The following ROR1 variants were observed in gnomAD, a reference collection of about 807,000 sequenced individuals.
ROR1 encodes inactive tyrosine-protein kinase transmembrane receptor ROR1.
In ROR1, 19 loss-of-function variants were observed where a neutral mutation model predicts 78.8. The observed-to-expected ratio is 0.24, with a 90% CI of 0.17 to 0.35. ROR1 has a LOEUF of 0.35. Among genes scored for constraint, ROR1 ranks in the 10% least tolerant of loss-of-function variants. ROR1 has a pLI of 1.00. For synonymous variants in ROR1, 386 were observed against 433.6 expected, an observed-to-expected ratio of 0.89 and a Z score of 1.36; for missense variants, 917 against 1,177.8, an observed-to-expected ratio of 0.78 and a Z score of 3.24.
intron 1 of ROR1, among the ~76,000 whole-genome samples, chr1:63,969,261 A>G (rs1433654837): frequency 1.3e-5 from 2 of 152,210 alleles, no homozygotes; most frequent in East Asian, 3.8e-4. Flanking sequence ...AGATGCAGAC[A>G]AGATATTTCA....
At chr1:63,801,276 CT>C (rs1184610552) in intron 1 of ROR1, among the ~76,000 whole-genome samples, 1 of 151,986 alleles carries the variant, frequency 6.6e-6, no homozygotes, top group Non-Finnish European at 1.5e-5. Flanking sequence ...TATTATGTGG[CT>C]GTATTTATGG....
intron 1 of ROR1, among the ~76,000 whole-genome samples, chr1:63,818,382 A>G (rs10493352): frequency 0.078 from 11,874 of 152,292 alleles, 1,562 homozygotes; most frequent in African/African-American, 0.27. Flanking sequence ...CAAATATTGT[A>G]TCATGAAAAA....
At chr1:63,788,445 A>G (rs1174404820) in intron 1 of ROR1, among the ~76,000 whole-genome samples, 1 of 152,094 alleles carries the variant, frequency 6.6e-6, no homozygotes, top group African/African-American at 2.4e-5. Flanking sequence ...AACCAGTGCA[A>G]ATCACTAAAA....
intron 1 of ROR1, among the ~76,000 whole-genome samples, chr1:63,900,851 G>T (rs1645479736): frequency 6.6e-6 from 1 of 152,092 alleles, no homozygotes; most frequent in Admixed American, 6.5e-5. Context: ...TGTTATGGTT[G>T]CATTCTTCAT....
chr1:64,180,852 TAA>T lies in ROR1; in HGVS notation c.*2000_*2001del, dbSNP rs1650529015. 1 of 152,166 alleles carries T rather than the reference TAA, an allele frequency of 6.6e-6. No individual in the cohort carries two copies. Among genetic ancestry groups the T allele is most frequent in the East Asian group, 1.9e-4 (1 of 5,202 alleles). 9.4% of individuals were successfully genotyped at this position (152,166 alleles called of 1,614,324 possible). On this transcript the variant is annotated 3_prime_UTR_variant, in exon 9 of 9. Coordinates refer to ENST00000371079, the MANE Select transcript of ROR1 (RefSeq NM_005012.4). ...TGAGCCAGTAAAATACCTACTCTGGTAAAACATTATTATGGTTAAAAAGTAAA... is the reference window on the plus strand; with the variant it reads ...TGAGCCAGTAAAATACCTACTCTGGTAACATTATTATGGTTAAAAAGTAAA...
chr1:64,030,507 A>G (rs1333444746), intron 2 of ROR1, among the ~76,000 whole-genome samples: 1 of 152,212 alleles, frequency 6.6e-6, no homozygotes, highest in Non-Finnish European at 1.5e-5. Context: ...CCACATTTCC[A>G]AAAAGTGTAA....
At chr1:63,958,843 A>G (rs1184470058) in intron 1 of ROR1, among the ~76,000 whole-genome samples, 2 of 152,226 alleles carry the variant, frequency 1.3e-5, no homozygotes, top group South Asian at 2.1e-4. Flanking sequence ...CTGCCTTTTT[A>G]GGAGCTTTCA....
chr1:63,821,652 A>C (rs936781160), intron 1 of ROR1, among the ~76,000 whole-genome samples: 1 of 152,172 alleles, frequency 6.6e-6, no homozygotes, highest in Non-Finnish European at 1.5e-5. Context: ...ACATAAGCTG[A>C]ATACCAGGTC....
At position 64,178,844 on chromosome 1, in the gene ROR1, G is replaced by C. The variant is rs906310411; in HGVS notation, c.2803G>C (p.Ala935Pro). ...TGGACACACCGAATCTATGATTTCTGCAGAACTGTAAAATGCACAACTTTT... is the reference window on the plus strand; with the variant it reads ...TGGACACACCGAATCTATGATTTCTCCAGAACTGTAAAATGCACAACTTTT... ...IHGHTESMIS[A>P]EL Residue 935 changes from alanine (A) to proline (P), a missense_variant, in exon 9 of 9, where the codon GCA (alanine) becomes CCA (proline). By Grantham distance (27) the Ala-to-Pro change is conservative. Around this residue, in one of 3 missense-constraint regions of ROR1, gnomAD observed 835 missense variants for 1,069.8 expected, o/e 0.78. Coordinates refer to ENST00000371079, the MANE Select transcript of ROR1 (RefSeq NM_005012.4). The surrounding 1 kb of genome is among the most constrained non-coding windows in gnomAD (Gnocchi z 4.3). 6.2e-7 allele frequency: 1 copy of C among 1,612,080 alleles called. No individual in the cohort carries two copies. The highest frequency in any genetic ancestry group is 1.3e-5 in the African/African-American group (1 of 74,866).
At chr1:63,833,990 C>CTTTTTTT (rs71056008) in intron 1 of ROR1, among the ~76,000 whole-genome samples, 14 of 132,000 alleles carry the variant, frequency 1.1e-4, no homozygotes, top group East Asian at 2.2e-4. Flanking sequence ...TCTTCTTCTT[C>CTTTTTTT]TTTTTTTTTT....
At chr1:63,871,647 G>C (rs907754498) in intron 1 of ROR1, among the ~76,000 whole-genome samples, 1 of 152,208 alleles carries the variant, frequency 6.6e-6, no homozygotes, top group Non-Finnish European at 1.5e-5. Flanking sequence ...GGCTCCAGGA[G>C]ACATTTGCCT....
intron 1 of ROR1, among the ~76,000 whole-genome samples, chr1:63,962,041 G>A (rs911462385): frequency 7.9e-5 from 12 of 152,202 alleles, no homozygotes; most frequent in South Asian, 4.2e-4. Context: ...AGGAGGATCC[G>A]TTGAGCCCAG....
At chr1:64,022,768 A>G (rs957438570) in intron 2 of ROR1, among the ~76,000 whole-genome samples, 7 of 152,240 alleles carry the variant, frequency 4.6e-5, no homozygotes, top group Non-Finnish European at 8.8e-5. Flanking sequence ...ATCAAGAAAC[A>G]GTAGGTGATC....
chr1:64,102,557 A>G (rs1325460271), intron 4 of ROR1, among the ~76,000 whole-genome samples: 1 of 152,148 alleles, frequency 6.6e-6, no homozygotes, highest in Non-Finnish European at 1.5e-5. Context: ...CCTGTCTTTT[A>G]TAAATGTCCA....
rs1557496198 is a variant in ROR1, at chr1:63,787,468, T to TTCCTG, written c.91+12960_91+12961insTCCTG. On this transcript the variant is annotated intron_variant, in intron 1 of 8. Transcript: ENST00000371079. ...TTCCTTCCTTCCTTCCTTCCTTCCTTCCTTCCTTCCTTCCTGCCTTCCTGC... is the reference window on the plus strand; with the variant it reads ...TTCCTTCCTTCCTTCCTTCCTTCCTTTCCTGCCTTCCTTCCTTCCTGCCTTCCTGC... Among the ~76,000 whole-genome samples, 40 of 115,314 alleles carry TTCCTG rather than the reference T, an allele frequency of 3.5e-4. 2 individuals carry two copies. Among genetic ancestry groups the TTCCTG allele is most frequent in the Admixed American group, 2.0e-3 (25 of 12,402 alleles). The allele number at this position is 115,314 out of a possible 152,430, so 75.7% of individuals were successfully genotyped here.
chr1:63,778,217 G>T (rs551055409), intron 1 of ROR1, among the ~76,000 whole-genome samples: 1 of 152,192 alleles, frequency 6.6e-6, no homozygotes, highest in Admixed American at 6.5e-5. Flanking sequence ...AGGTGAGTGC[G>T]TGAAATTAAT....
intron 1 of ROR1, among the ~76,000 whole-genome samples, chr1:63,813,831 G>A (rs961988169): frequency 6.6e-5 from 10 of 152,222 alleles, no homozygotes; most frequent in Non-Finnish European, 1.5e-4. Flanking sequence ...GGAAGATATA[G>A]TCACATAAGG....
chr1:63,856,061 TG>T (rs1645146533), intron 1 of ROR1, among the ~76,000 whole-genome samples: 2 of 152,186 alleles, frequency 1.3e-5, no homozygotes, highest in South Asian at 4.2e-4. Flanking sequence ...TTCTAACATC[TG>T]TGTCAGTTTT....
At chr1:64,055,233 C>T (rs956489979) in intron 4 of ROR1, among the ~76,000 whole-genome samples, 1 of 152,192 alleles carries the variant, frequency 6.6e-6, no homozygotes, top group Non-Finnish European at 1.5e-5. Context: ...TGAGAGCTTT[C>T]AGAAGCGCTG....
Sources: allele counts gnomAD v4.1 joint callset (sites outside exome capture counted in the v4.1 genomes callset), GRCh38; gene constraint gnomAD v4.1.1; regional missense constraint gnomAD v4.1.1; non-coding constraint Gnocchi (gnomAD v3.1); transcripts MANE v1.5; gene names NCBI Gene and HGNC (gene_info 2026-07-23, HGNC 2026-07-21).